The following GPRC5D variants were observed in gnomAD, a reference collection of about 807,000 sequenced individuals.
GPRC5D encodes G protein-coupled receptor family C group 5 member D.
A neutral mutation model predicts 29.3 loss-of-function variants in GPRC5D; 20 were observed. That is an observed-to-expected ratio of 0.68 (90% CI 0.48 to 0.99). The LOEUF is 0.99. Ranked by LOEUF, GPRC5D falls within the 50% of genes least tolerant of loss-of-function variation. GPRC5D has a pLI of 0.00. For synonymous variants in GPRC5D, 178 were observed against 171.3 expected (o/e 1.04, Z -0.30); for missense variants, 384 against 423.6 (o/e 0.91, Z 0.82).
intron 1 of GPRC5D, among the ~76,000 whole-genome samples, chr12:12,949,148 A>G (rs1460560952): frequency 1.3e-5 from 2 of 152,186 alleles, no homozygotes; most frequent in African/African-American, 4.8e-5. Flanking sequence ...GCAAAATCGC[A>G]TGGTCCAGGC....
rs566843035 is a variant in GPRC5D, at chr12:12,946,089, C to G, written c.895+3401G>C. ...GATAGACTTCCAGGGAAATGAAATTCTTAATCCCCTTTGCTGATCTGTTTC... is the reference window on the plus strand; with the variant it reads ...GATAGACTTCCAGGGAAATGAAATTGTTAATCCCCTTTGCTGATCTGTTTC... On this transcript the variant is annotated intron_variant, in intron 1 of 2. Coordinates refer to ENST00000228887, the Ensembl canonical transcript of GPRC5D. 3.9e-5 allele frequency among the ~76,000 whole-genome samples: 6 copies of G among 152,272 alleles called. No homozygotes were observed. The South Asian group carries it at 1.2e-3, about 32-fold the overall frequency.
At chr12:12,950,155 G>A (rs764303503) in exon 1 of GPRC5D, 103 of 1,614,002 alleles carry the variant, frequency 6.4e-5, no homozygotes, top group Non-Finnish European at 7.9e-5. Flanking sequence ...GAAGGCAAAA[G>A]CGAGTCCGAA....
At chr12:12,942,180 T>C (rs756213833) in intron 2 of GPRC5D, 81 bp downstream of exon 3, 168 of 901,664 alleles carry the variant, frequency 1.9e-4, no homozygotes, top group Non-Finnish European at 2.7e-4. Flanking sequence ...AGTAAAGCCA[T>C]TAGAAATGAA....
chr12:12,944,533 A>C (rs1012998593), intron 1 of GPRC5D: 4 of 151,226 alleles, frequency 2.6e-5, no homozygotes, highest in African/African-American at 4.8e-5. Flanking sequence ...GTTCAGCAAA[A>C]GTTGGAGTTT....
intron 1 of GPRC5D, among the ~76,000 whole-genome samples, chr12:12,944,971 TTCTTTTTC>T (rs1565477689): frequency 6.3e-5 from 7 of 111,372 alleles, no homozygotes; most frequent in Non-Finnish European, 8.0e-5. Flanking sequence ...TTCTTTCCTT[TTCTTTTTC>T]TCTCTCTCTC....
At chr12:12,941,387 A>G (rs1431349205) in intron 2 of GPRC5D, among the ~76,000 whole-genome samples, 1 of 152,126 alleles carries the variant, frequency 6.6e-6, no homozygotes, top group Admixed American at 6.5e-5. Context: ...AATCCAAGAA[A>G]CTCTTGGAGG....
In GPRC5D at chr12:12,949,807, C is replaced by T. The variant is rs750194630; in HGVS notation, c.578G>A (p.Cys193Tyr). Residue 193 changes from cysteine to tyrosine, a missense_variant, in exon 1 of 3, where the codon TGT becomes TAT. Physicochemically the swap from Cys to Tyr is radical, Grantham distance 194. Coordinates refer to ENST00000228887, the Ensembl canonical transcript of GPRC5D. ...CTGCTTCCAGTTCTCACACGGGCCA[C>T]AGAAGGTGGCTTTGGAGACGAAGAA... The T allele has an allele frequency of 2.5e-6, 4 of 1,613,978 alleles. No individual in the cohort carries two copies. The highest frequency in any genetic ancestry group is 2.7e-5 in the African/African-American group (2 of 74,910).
exon 1 of GPRC5D, chr12:12,950,026 C>T (rs773772528): frequency 3.7e-6 from 6 of 1,614,136 alleles, no homozygotes; most frequent in South Asian, 2.2e-5. Context: ...GGAGACACAA[C>T]CCCGAACCAG....
intron 1 of GPRC5D, among the ~76,000 whole-genome samples, chr12:12,943,127 A>G (rs1003811258): frequency 6.6e-6 from 1 of 152,176 alleles, no homozygotes; most frequent in South Asian, 2.1e-4. Context: ...GGGCATAATA[A>G]AAGAGATCAC....
At chr12:12,944,982 T>C (rs1283021735) in intron 1 of GPRC5D, among the ~76,000 whole-genome samples, 2 of 148,956 alleles carry the variant, frequency 1.3e-5, no homozygotes, top group African/African-American at 4.9e-5. Context: ...TCTTTTTCTC[T>C]CTCTCTCTTT....
intron 2 of GPRC5D, 66 bp downstream of exon 3, chr12:12,942,195 G>A (rs942410855): frequency 1.0e-6 from 1 of 1,002,550 alleles, no homozygotes; most frequent in Non-Finnish European, 1.6e-6. Context: ...AATGAAGCCT[G>A]AGGCTGTCCT....
At chr12:12,946,358 TTTC>T (rs1405826092) in intron 1 of GPRC5D, among the ~76,000 whole-genome samples, 1 of 149,346 alleles carries the variant, frequency 6.7e-6, no homozygotes, top group African/African-American at 2.5e-5. Context: ...TCTTTCTTTC[TTTC>T]TTTCTTTTCT....
chr12:12,950,201 T>G (rs1275074680), exon 1 of GPRC5D: 2 of 1,613,372 alleles, frequency 1.2e-6, no homozygotes, highest in Non-Finnish European at 1.7e-6. Context: ...AGGAGCTGGG[T>G]GGGGAGGACA....
At chr12:12,945,034 C>T (rs1019456769) in intron 1 of GPRC5D, among the ~76,000 whole-genome samples, 1 of 149,196 alleles carries the variant, frequency 6.7e-6, no homozygotes, top group Non-Finnish European at 1.5e-5. Flanking sequence ...TTTCGAGTCT[C>T]GTTCTCGTTG....
At chr12:12,943,290 A>G (rs1378253136) in intron 1 of GPRC5D, among the ~76,000 whole-genome samples, 4 of 152,124 alleles carry the variant, frequency 2.6e-5, no homozygotes, top group African/African-American at 9.7e-5. Context: ...TTTTTTGATG[A>G]TCACAGACAT....
intron 1 of GPRC5D, among the ~76,000 whole-genome samples, chr12:12,946,383 TCTC>T (rs1863341542): frequency 1.4e-5 from 2 of 139,200 alleles, no homozygotes; most frequent in African/African-American, 2.6e-5. Flanking sequence ...TCTTTCTTTC[TCTC>T]TTTCTCTCTC....
chr12:12,945,041 G>A (rs563627175), intron 1 of GPRC5D, among the ~76,000 whole-genome samples: 95 of 135,658 alleles, frequency 7.0e-4, no homozygotes, highest in African/African-American at 2.5e-3. Flanking sequence ...TCTCGTTCTC[G>A]TTGCCCAGGC....
intron 1 of GPRC5D, among the ~76,000 whole-genome samples, chr12:12,944,739 T>C: frequency 7.8e-6 from 1 of 127,592 alleles, no homozygotes; most frequent in Admixed American, 8.5e-5. Context: ...TGTGACACCT[T>C]TCTTCCTTCC....
chr12:12,941,401 C>T (rs704226), intron 2 of GPRC5D, among the ~76,000 whole-genome samples: 77,042 of 151,948 alleles, frequency 0.51, 20,405 homozygotes, highest in African/African-American at 0.62. Flanking sequence ...TTGGAGGGGA[C>T]AATAAAGATG....
Sources: allele counts gnomAD v4.1 joint callset (sites outside exome capture counted in the v4.1 genomes callset), GRCh38; gene constraint gnomAD v4.1.1; transcripts MANE v1.5; gene names NCBI Gene and HGNC (gene_info 2026-07-23, HGNC 2026-07-21).